Variants in ZNF469 observed in about 807,000 individuals in gnomAD.
ZNF469 encodes zinc finger protein 469.
A neutral mutation model predicts 1.0 loss-of-function variants in ZNF469; 1 was observed. The ratio of observed to expected loss-of-function variants is 1.00; its 90% CI spans 0.35 to 4.73. The LOEUF (loss-of-function observed/expected upper bound fraction) is 4.73, where lower values mean the gene tolerates loss of function less well. Among genes scored for constraint, ZNF469 ranks in the 30% most tolerant of loss-of-function variants. ZNF469 has a pLI of 0.16. For synonymous variants in ZNF469, 2,703 were observed against 2,363.4 expected (o/e 1.14, Z -4.17); for missense variants, 6,100 against 5,356.3 (o/e 1.14, Z -4.33).
At chr16:88,122,499 G>A in the ZNF469 span, among the ~76,000 whole-genome samples, 5 of 151,514 alleles carry the variant, frequency 3.3e-5, no homozygotes, top group Admixed American at 6.6e-5. Context: ...CTATGGCCAC[G>A]GCGGCCACTC....
the ZNF469 span, among the ~76,000 whole-genome samples, chr16:88,321,035 T>G: frequency 6.6e-6 from 1 of 152,214 alleles, no homozygotes; most frequent in Non-Finnish European, 1.5e-5. Flanking sequence ...GTATGAAATG[T>G]TGGGGTCAGG....
chr16:88,188,530 C>T, the ZNF469 span, among the ~76,000 whole-genome samples: 2 of 152,154 alleles, frequency 1.3e-5, no homozygotes, highest in Non-Finnish European at 2.9e-5. Context: ...GTCTGGCCCC[C>T]ATGGTGCTCA....
chr16:88,218,972 C>A, the ZNF469 span, among the ~76,000 whole-genome samples: 2 of 137,634 alleles, frequency 1.5e-5, no homozygotes, highest in Admixed American at 7.3e-5. Flanking sequence ...TATACACCAA[C>A]AACAGACAAA....
the ZNF469 span, among the ~76,000 whole-genome samples, chr16:88,322,196 C>T: frequency 6.6e-6 from 1 of 152,226 alleles, no homozygotes; most frequent in African/African-American, 2.4e-5. Context: ...GGACTCAGAG[C>T]CCAGCGTGTC....
chr16:88,256,457 A>G, the ZNF469 span, among the ~76,000 whole-genome samples: 1 of 152,212 alleles, frequency 6.6e-6, no homozygotes, highest in African/African-American at 2.4e-5. Context: ...TCACTTATGG[A>G]GGGCTATCTT....
the ZNF469 span, among the ~76,000 whole-genome samples, chr16:88,127,333 A>C: frequency 6.6e-6 from 1 of 152,144 alleles, no homozygotes; most frequent in Non-Finnish European, 1.5e-5. Context: ...TAAATGTCTA[A>C]TAGAATTCAG....
the ZNF469 span, among the ~76,000 whole-genome samples, chr16:88,239,705 ATATATATATATTTTTTTTTTTTTTT>A: frequency 3.6e-3 from 21 of 5,850 alleles, 1 homozygote; most frequent in Admixed American, 0.01. Context: ...ATATATATAT[ATATATATATATTTTTTTTTTTTTTT>A]TTTTTTTTTT....
chr16:88,109,589 G>A, the ZNF469 span, among the ~76,000 whole-genome samples: 3 of 147,954 alleles, frequency 2.0e-5, no homozygotes, highest in Non-Finnish European at 4.4e-5. Flanking sequence ...CCAGGATCAG[G>A]AGGTGCTGAG....
chr16:88,187,212 CTCT>C, the ZNF469 span, among the ~76,000 whole-genome samples: 1 of 152,104 alleles, frequency 6.6e-6, no homozygotes, highest in Admixed American at 6.5e-5. Flanking sequence ...CCTGAAGCAG[CTCT>C]TCTTTGCCTG....
At chr16:88,408,782 C>T (rs948211258) in intron 1 of ZNF469, among the ~76,000 whole-genome samples, 7 of 152,368 alleles carry the variant, frequency 4.6e-5, no homozygotes. Context: ...AGAGAGGGGC[C>T]GCCTGTGCCC....
the ZNF469 span, among the ~76,000 whole-genome samples, chr16:88,165,561 C>T: frequency 1.3e-5 from 2 of 152,222 alleles, no homozygotes; most frequent in African/African-American, 4.8e-5. Flanking sequence ...CTGGGGACTG[C>T]TCGGCCCTCT....
At chr16:88,103,638 C>G in the ZNF469 span, among the ~76,000 whole-genome samples, 2 of 152,304 alleles carry the variant, frequency 1.3e-5, no homozygotes, top group East Asian at 3.9e-4. Context: ...CTTCTCACCC[C>G]ACGGGAGCCC....
intron 1 of ZNF469, among the ~76,000 whole-genome samples, chr16:88,401,638 G>GGGGTGGGTGGATGGGTGAGTGA (rs1904866979): frequency 1.8e-5 from 1 of 55,646 alleles, no homozygotes; most frequent in Non-Finnish European, 4.1e-5. Context: ...TGGATGGATG[G>GGGGTGGGTGGATGGGTGAGTGA]ATGGATACAT....
the ZNF469 span, among the ~76,000 whole-genome samples, chr16:88,275,071 C>T: frequency 1.3e-5 from 2 of 152,200 alleles, no homozygotes; most frequent in Non-Finnish European, 2.9e-5. Flanking sequence ...ACCCCCATGT[C>T]TGTGGGCTGG....
chr16:88,215,788 T>C, the ZNF469 span, among the ~76,000 whole-genome samples: 1 of 152,122 alleles, frequency 6.6e-6, no homozygotes, highest in Non-Finnish European at 1.5e-5. Flanking sequence ...TTAAAACAGG[T>C]ACTTGAAATG....
At chr16:88,321,553 C>T in the ZNF469 span, among the ~76,000 whole-genome samples, 3 of 152,108 alleles carry the variant, frequency 2.0e-5, no homozygotes, top group Middle Eastern at 3.2e-3. Context: ...TAAGGCCTCA[C>T]CTTATTTGAT....
the ZNF469 span, among the ~76,000 whole-genome samples, chr16:88,139,863 C>A: frequency 6.6e-6 from 1 of 152,228 alleles, no homozygotes; most frequent in Non-Finnish European, 1.5e-5. Context: ...CGGAAATTCA[C>A]AGAACCCCAG....
the ZNF469 span, among the ~76,000 whole-genome samples, chr16:88,220,939 C>T: frequency 2.0e-5 from 3 of 152,228 alleles, no homozygotes; most frequent in Non-Finnish European, 4.4e-5. Flanking sequence ...CTGCCCTGTA[C>T]AGGGAGCCTC....
At chr16:88,410,181 G>A (rs527719412) in intron 1 of ZNF469, among the ~76,000 whole-genome samples, 3 of 151,636 alleles carry the variant, frequency 2.0e-5, no homozygotes, top group African/African-American at 4.8e-5. Context: ...CACAGTTCAC[G>A]GTGACGGCTA....
Sources: allele counts gnomAD v4.1 joint callset (sites outside exome capture counted in the v4.1 genomes callset), GRCh38; gene constraint gnomAD v4.1.1; transcripts MANE v1.5; gene names NCBI Gene and HGNC (gene_info 2026-07-23, HGNC 2026-07-21).